FHOD3: variants seen among roughly 807,000 people sequenced by gnomAD.
FHOD3 encodes FH1/FH2 domain-containing protein 3.
A neutral mutation model predicts 173.0 loss-of-function variants in FHOD3; 90 were observed. The ratio of observed to expected loss-of-function variants is 0.52; its 90% CI spans 0.44 to 0.62. The LOEUF is 0.62. Among genes scored for constraint, FHOD3 ranks in the 20% least tolerant of loss-of-function variants. FHOD3 has a pLI of 0.00. For synonymous variants in FHOD3, 828 were observed against 823.0 expected, an observed-to-expected ratio of 1.01 and a Z score of -0.10; for missense variants, 1,945 against 2,034.7, an observed-to-expected ratio of 0.96 and a Z score of 0.85.
chr18:36,736,344 C>T (rs1027094456), intron 20 of FHOD3, among the ~76,000 whole-genome samples: 7 of 152,210 alleles, frequency 4.6e-5, no homozygotes, highest in African/African-American at 1.7e-4. Context: ...GAGGTGGTTG[C>T]TCTCCACCAG....
At chr18:36,478,024 A>G (rs996357118) in intron 3 of FHOD3, among the ~76,000 whole-genome samples, 1 of 152,216 alleles carries the variant, frequency 6.6e-6, no homozygotes, top group African/African-American at 2.4e-5. Flanking sequence ...AAAGAGAGGC[A>G]GGAGGCCCCA....
intron 5 of FHOD3, among the ~76,000 whole-genome samples, chr18:36,531,379 C>T (rs1444836819): frequency 6.6e-6 from 1 of 152,130 alleles, no homozygotes; most frequent in Non-Finnish European, 1.5e-5. Flanking sequence ...CAGTTTGTCC[C>T]TTTGCTTTTT....
At chr18:36,427,801 C>T (rs991113979) in intron 3 of FHOD3, among the ~76,000 whole-genome samples, 6 of 152,126 alleles carry the variant, frequency 3.9e-5, no homozygotes, top group Non-Finnish European at 8.8e-5. Flanking sequence ...AATGATTCCA[C>T]AAAAATGTGA....
At chr18:36,397,871 G>A (rs1055172099) in intron 3 of FHOD3, among the ~76,000 whole-genome samples, 14 of 152,226 alleles carry the variant, frequency 9.2e-5, no homozygotes, top group Non-Finnish European at 1.9e-4. Flanking sequence ...CAGCAGAAAG[G>A]AGGGAGGGTT....
chr18:36,658,038 T>G, intron 13 of FHOD3, 37 bp from the exon 14 acceptor site: 1 of 1,459,424 alleles, frequency 6.9e-7, no homozygotes. Context: ...TATTTCTCTA[T>G]CCTTTTCCCC....
intron 3 of FHOD3, among the ~76,000 whole-genome samples, chr18:36,475,751 TACACACACACACAC>T (rs58982535): frequency 0.012 from 1,649 of 142,884 alleles, 20 homozygotes; most frequent in African/African-American, 0.032. Context: ...TATAGAAACA[TACACACACACACAC>T]ACACACACAC....
At chr18:36,704,197 G>A (rs1343984232) in intron 17 of FHOD3, among the ~76,000 whole-genome samples, 1 of 152,106 alleles carries the variant, frequency 6.6e-6, no homozygotes, top group Non-Finnish European at 1.5e-5. Flanking sequence ...TTCAAATCTA[G>A]CTGCAAGCCC....
chr18:36,697,750 G>A (rs919298069), intron 17 of FHOD3, among the ~76,000 whole-genome samples: 1 of 152,162 alleles, frequency 6.6e-6, no homozygotes, highest in Non-Finnish European at 1.5e-5. Flanking sequence ...TAAATATGGC[G>A]ATTCCTGTAG....
At chr18:36,613,206 A>C (rs1004810864) in intron 9 of FHOD3, among the ~76,000 whole-genome samples, 9 of 152,202 alleles carry the variant, frequency 5.9e-5, no homozygotes, top group Admixed American at 3.9e-4. Context: ...AGTCTACCAG[A>C]ATCTGTGCAC....
intron 6 of FHOD3, among the ~76,000 whole-genome samples, chr18:36,591,851 A>G (rs776449833): frequency 1.3e-4 from 20 of 152,264 alleles, no homozygotes; most frequent in Non-Finnish European, 2.8e-4. Flanking sequence ...TCAGCCCAGG[A>G]GTTTGAGGCT....
chr18:36,623,844 A>T (rs1228624301), intron 9 of FHOD3, among the ~76,000 whole-genome samples: 1 of 152,238 alleles, frequency 6.6e-6, no homozygotes, highest in African/African-American at 2.4e-5. Flanking sequence ...TGTGTATCTC[A>T]GGTGCTGATA....
intron 3 of FHOD3, among the ~76,000 whole-genome samples, chr18:36,382,396 G>A (rs564989926): frequency 3.3e-5 from 5 of 152,236 alleles, no homozygotes; most frequent in African/African-American, 4.8e-5. Flanking sequence ...GGGAAGAAGG[G>A]AATTTATTGC....
intron 13 of FHOD3, among the ~76,000 whole-genome samples, chr18:36,656,086 A>G (rs371488322): frequency 4.6e-5 from 7 of 152,154 alleles, no homozygotes; most frequent in African/African-American, 1.7e-4. Context: ...AGGCTGCATC[A>G]GGGTCTCGTC....
At chr18:36,374,761 T>A (rs1051802908) in intron 3 of FHOD3, among the ~76,000 whole-genome samples, 1 of 152,228 alleles carries the variant, frequency 6.6e-6, no homozygotes, top group Non-Finnish European at 1.5e-5. Flanking sequence ...AGAGAACTAT[T>A]TGTGCCTCAT....
At position 36,355,627 on chromosome 18, in the gene FHOD3, G is replaced by C; in HGVS notation, c.254G>C (p.Gly85Ala). ...TLAEQRDELE[G>A]FQDDAGRGKK... ...GCAGAGCAGCGGGATGAGTTGGAAG[G>C]CTTCCAGGATGACGCCGGGTAAGAG... Residue 85 changes from glycine to alanine, a missense_variant, in exon 2 of 29, where the codon GGC (glycine) becomes GCC (alanine). Gly to Ala is a moderately conservative substitution (Grantham distance 60). This residue lies in a region of FHOD3 where 245 missense variants were observed against 267.7 expected (regional missense o/e 0.92). Transcript: ENST00000590592. The C allele has an allele frequency of 3.1e-6, 5 of 1,614,126 alleles. No individual in the cohort carries two copies. Among genetic ancestry groups the C allele is most frequent in the African/African-American group, 1.3e-5 (1 of 75,052 alleles).
chr18:36,621,266 A>G (rs1387519873), intron 9 of FHOD3, among the ~76,000 whole-genome samples: 1 of 152,212 alleles, frequency 6.6e-6, no homozygotes, highest in African/African-American at 2.4e-5. Context: ...TACTGTTAAG[A>G]GTAATTAATA....
At chr18:36,423,668 C>T (rs1233818302) in intron 3 of FHOD3, among the ~76,000 whole-genome samples, 1 of 152,128 alleles carries the variant, frequency 6.6e-6, no homozygotes, top group Non-Finnish European at 1.5e-5. Flanking sequence ...CAACAGTACA[C>T]ACTTCTGAAG....
In FHOD3 at chr18:36,630,129, T is replaced by C. The variant is rs1216071827; in HGVS notation, c.1196+4380T>C. 3.3e-5 allele frequency among the ~76,000 whole-genome samples: 5 copies of C among 152,334 alleles called. No homozygotes were observed. In the South Asian group the frequency reaches 1.0e-3, roughly 32 times the overall value. ...TTTTGGCTATTGGAAAGGGTAGTTT[T>C]CTTAGAAGCATTTGGAACTCTGTGC... On this transcript the variant is annotated intron_variant, in intron 10 of 28. Coordinates refer to ENST00000590592, the MANE Select transcript of FHOD3 (RefSeq NM_001281740.3).
chr18:36,660,465 G>C (rs946147164), intron 14 of FHOD3, among the ~76,000 whole-genome samples: 1 of 152,214 alleles, frequency 6.6e-6, no homozygotes, highest in African/African-American at 2.4e-5. Context: ...AAGGGCTGCC[G>C]CGAGGCAGTG....
Sources: gnomAD v4.1 joint callset for allele counts (sites outside exome capture counted in the v4.1 genomes callset) on GRCh38, gnomAD v4.1.1 for gene constraint, gnomAD v4.1.1 regional missense constraint, MANE v1.5 for transcripts, NCBI Gene and HGNC (gene_info 2026-07-23, HGNC 2026-07-21) for gene names.